The following ASTN2 variants were observed in gnomAD, a reference collection of about 807,000 sequenced individuals.
ASTN2 encodes astrotactin-2.
In ASTN2, 54 loss-of-function variants were observed where a neutral mutation model predicts 139.8. That is an observed-to-expected ratio of 0.39 (90% CI 0.31 to 0.48). ASTN2 has a LOEUF of 0.48. Ranked by LOEUF, ASTN2 falls within the 20% of genes least tolerant of loss-of-function variation. The pLI, the probability that ASTN2 is intolerant of heterozygous loss-of-function variation, is 0.95. For missense variants in ASTN2, 1,565 were observed against 1,725.1 expected (o/e 0.91, Z 1.64); for synonymous variants, 756 against 719.5 (o/e 1.05, Z -0.81).
At chr9:117,258,586 TG>T (rs1186759340) in intron 2 of ASTN2, among the ~76,000 whole-genome samples, 2 of 152,140 alleles carry the variant, frequency 1.3e-5, no homozygotes, top group African/African-American at 4.8e-5. Context: ...AGCCATGCTT[TG>T]CTTGCTTGTA....
At chr9:117,226,057 C>G (rs1832702959) in intron 2 of ASTN2, among the ~76,000 whole-genome samples, 1 of 152,090 alleles carries the variant, frequency 6.6e-6, no homozygotes, top group Non-Finnish European at 1.5e-5. Flanking sequence ...TGGTAAGGGG[C>G]AAAGAGTTTC....
chr9:117,394,277 G>A (rs191164475), intron 1 of ASTN2, among the ~76,000 whole-genome samples: 10 of 152,234 alleles, frequency 6.6e-5, no homozygotes, highest in Admixed American at 2.6e-4. Flanking sequence ...TACTGGACAC[G>A]TTCTATGTCT....
intron 7 of ASTN2, among the ~76,000 whole-genome samples, chr9:117,001,944 T>C (rs1467115934): frequency 6.6e-6 from 1 of 152,224 alleles, no homozygotes; most frequent in African/African-American, 2.4e-5. Flanking sequence ...CACACCGACT[T>C]ATGAGTTGCA....
chr9:116,750,543 ACTCT>A (rs71379224), intron 13 of ASTN2, among the ~76,000 whole-genome samples: 8 of 150,546 alleles, frequency 5.3e-5, no homozygotes, highest in East Asian at 2.0e-4. Context: ...TTCCTTGTTC[ACTCT>A]CTCTCTCTCT....
At chr9:116,689,768 G>C (rs763424304) in intron 16 of ASTN2, among the ~76,000 whole-genome samples, 6 of 152,084 alleles carry the variant, frequency 3.9e-5, no homozygotes, top group Admixed American at 6.6e-5. Context: ...CTTTGTTCTT[G>C]GTTTGCCCTT....
chr9:116,805,843 G>A lies in ASTN2; in HGVS notation c.2208-23C>T, dbSNP rs529766908. On this transcript the variant is annotated intron_variant, in intron 12 of 22. Coordinates refer to ENST00000313400, the MANE Select transcript of ASTN2 (RefSeq NM_001365068.1). ...CAACTGTATGATAAAACAGAGCTCA[G>A]AATTAGCTTCACATCCTGAATGCCC... The A allele has an allele frequency of 5.7e-5, 92 of 1,607,356 alleles. No individual in the cohort carries two copies. The South Asian group carries it at 9.9e-4, about 17-fold the overall frequency.
chr9:116,938,403 C>T (rs1345549466), intron 10 of ASTN2, among the ~76,000 whole-genome samples: 1 of 152,104 alleles, frequency 6.6e-6, no homozygotes, highest in Non-Finnish European at 1.5e-5. Context: ...AAAAATACAC[C>T]CTCCGAAATC....
chr9:116,874,922 A>C (rs2132358343), intron 10 of ASTN2, among the ~76,000 whole-genome samples: 1 of 152,200 alleles, frequency 6.6e-6, no homozygotes, highest in South Asian at 2.1e-4. Context: ...TTATTATTAT[A>C]TCGTTTATGG....
intron 10 of ASTN2, among the ~76,000 whole-genome samples, chr9:116,870,560 ATCTC>A (rs1331970520): frequency 2.0e-5 from 3 of 152,132 alleles, no homozygotes; most frequent in East Asian, 3.9e-4. Flanking sequence ...GGTTCCAAAC[ATCTC>A]TCTATCTCTG....
intron 4 of ASTN2, among the ~76,000 whole-genome samples, chr9:117,106,837 A>G (rs1829118821): frequency 1.3e-5 from 2 of 152,148 alleles, no homozygotes; most frequent in Admixed American, 6.6e-5. Flanking sequence ...TATTTATGCT[A>G]GGAATACATA....
At chr9:117,098,637 C>A (rs1034742034) in intron 4 of ASTN2, among the ~76,000 whole-genome samples, 2 of 152,086 alleles carry the variant, frequency 1.3e-5, no homozygotes, top group African/African-American at 2.4e-5. Context: ...TCAGATTCTG[C>A]CAGATGCAGT....
chr9:117,170,842 C>T (rs1830774798), intron 3 of ASTN2, among the ~76,000 whole-genome samples: 1 of 152,116 alleles, frequency 6.6e-6, no homozygotes, highest in Non-Finnish European at 1.5e-5. Context: ...CTGCTTTTCC[C>T]ACATACTAAT....
At chr9:116,652,672 A>G (rs1857984440) in intron 16 of ASTN2, among the ~76,000 whole-genome samples, 2 of 152,208 alleles carry the variant, frequency 1.3e-5, no homozygotes, top group African/African-American at 4.8e-5. Flanking sequence ...AATGGGGTTA[A>G]TAATACCAAT....
intron 7 of ASTN2, among the ~76,000 whole-genome samples, chr9:116,980,398 A>G (rs570445952): frequency 7.2e-5 from 11 of 152,262 alleles, no homozygotes; most frequent in East Asian, 3.9e-4. Flanking sequence ...ATTAAAAAAA[A>G]AAAAGAAAAG....
intron 10 of ASTN2, among the ~76,000 whole-genome samples, chr9:116,951,645 T>A (rs988902705): frequency 1.2e-4 from 19 of 152,020 alleles, no homozygotes; most frequent in Non-Finnish European, 2.6e-4. Flanking sequence ...GAGAGGGTGG[T>A]ATTGGTATTT....
intron 1 of ASTN2, among the ~76,000 whole-genome samples, chr9:117,316,961 G>A (rs1024014005): frequency 6.6e-6 from 1 of 152,236 alleles, no homozygotes; most frequent in East Asian, 1.9e-4. Flanking sequence ...GTATATAAAT[G>A]GAGAGCCCTC....
At chr9:117,194,098 CA>C (rs1242932259) in intron 3 of ASTN2, among the ~76,000 whole-genome samples, 5 of 152,138 alleles carry the variant, frequency 3.3e-5, no homozygotes, top group Non-Finnish European at 7.4e-5. Context: ...ATGATGGGCC[CA>C]GTGGCCTATA....
At chr9:116,831,257 C>T (rs1831806862) in intron 11 of ASTN2, among the ~76,000 whole-genome samples, 1 of 146,454 alleles carries the variant, frequency 6.8e-6, no homozygotes. Flanking sequence ...TTGGGTACAA[C>T]GTTCACTATT....
At chr9:117,372,039 G>A (rs1340954806) in intron 1 of ASTN2, among the ~76,000 whole-genome samples, 1 of 152,098 alleles carries the variant, frequency 6.6e-6, no homozygotes, top group Non-Finnish European at 1.5e-5. Context: ...TAACTGAGTA[G>A]GGTTTGCAGG....
Sources: gnomAD v4.1 joint callset for allele counts (sites outside exome capture counted in the v4.1 genomes callset) on GRCh38, gnomAD v4.1.1 for gene constraint, MANE v1.5 for transcripts, NCBI Gene and HGNC (gene_info 2026-07-23, HGNC 2026-07-21) for gene names.